The following TANC2 variants were observed in gnomAD, a reference collection of about 807,000 sequenced individuals.
TANC2 encodes tetratricopeptide repeat, ankyrin repeat and coiled-coil containing 2, also known as protein TANC2.
In TANC2, 26 loss-of-function variants were observed where a neutral mutation model predicts 210.5. The ratio of observed to expected loss-of-function variants is 0.12; its 90% CI spans 0.09 to 0.17. TANC2 has a LOEUF of 0.17. TANC2 is among the 10% of genes least tolerant of loss of function. TANC2 has a pLI of 1.00. For missense variants in TANC2, 2,129 were observed against 2,608.9 expected (o/e 0.82, Z 4.01); for synonymous variants, 931 against 967.1 (o/e 0.96, Z 0.69).
At chr17:63,349,411 C>T (rs753904793) in intron 12 of TANC2, among the ~76,000 whole-genome samples, 1 of 152,066 alleles carries the variant, frequency 6.6e-6, no homozygotes, top group Non-Finnish European at 1.5e-5. Flanking sequence ...GCTGTTTTGT[C>T]TACTGGAAAA....
intron 5 of TANC2, among the ~76,000 whole-genome samples, chr17:63,172,213 T>TG (rs2040428200): frequency 6.7e-6 from 1 of 150,204 alleles, no homozygotes; most frequent in South Asian, 2.1e-4. Flanking sequence ...TTTTTTTAGA[T>TG]GGAGTTTCAC....
intron 2 of TANC2, among the ~76,000 whole-genome samples, chr17:63,059,879 T>G (rs2035934046): frequency 6.6e-6 from 1 of 152,174 alleles, no homozygotes; most frequent in Admixed American, 6.5e-5. Context: ...AAGTCCGGGT[T>G]TCTTTTAATG....
At chr17:63,095,573 G>T (rs2037356663) in intron 3 of TANC2, among the ~76,000 whole-genome samples, 3 of 152,038 alleles carry the variant, frequency 2.0e-5, no homozygotes, top group Admixed American at 1.3e-4. Context: ...TGCCTTCAGT[G>T]ACTGGGCCCA....
chr17:63,194,091 A>G (rs762267645), exon 6 of TANC2: 4 of 1,613,406 alleles, frequency 2.5e-6, no homozygotes, highest in Non-Finnish European at 3.4e-6. Flanking sequence ...AAGTCACAGA[A>G]GTTCAGCCAG....
At chr17:63,123,000 TGGGACCAA>T (rs2038545077) in intron 4 of TANC2, among the ~76,000 whole-genome samples, 1 of 152,168 alleles carries the variant, frequency 6.6e-6, no homozygotes, top group Non-Finnish European at 1.5e-5. Context: ...AAGAGACAAC[TGGGACCAA>T]AATGACGAAG....
intron 8 of TANC2, among the ~76,000 whole-genome samples, chr17:63,253,990 A>C (rs751476919): frequency 1.3e-5 from 2 of 152,080 alleles, no homozygotes; most frequent in African/African-American, 4.8e-5. Flanking sequence ...GTGGTTTCAT[A>C]TAAATTTTAG....
intron 7 of TANC2, among the ~76,000 whole-genome samples, chr17:63,214,220 A>AG (rs2041965378): frequency 6.6e-6 from 1 of 152,224 alleles, no homozygotes; most frequent in Admixed American, 6.5e-5. Flanking sequence ...AGAGAAGTCC[A>AG]GGGACAGAGG....
chr17:63,056,959 C>T (rs76857913), intron 2 of TANC2, among the ~76,000 whole-genome samples: 9,791 of 151,610 alleles, frequency 0.065, 391 homozygotes, highest in African/African-American at 0.12. Context: ...GATGTTACTT[C>T]TGACATAATT....
intron 7 of TANC2, among the ~76,000 whole-genome samples, chr17:63,214,230 G>A (rs1265001264): frequency 6.6e-6 from 1 of 152,204 alleles, no homozygotes; most frequent in East Asian, 1.9e-4. Context: ...AGGGACAGAG[G>A]AGACAGACTG....
intron 4 of TANC2, among the ~76,000 whole-genome samples, chr17:63,126,884 T>G (rs1476109407): frequency 6.6e-6 from 1 of 152,302 alleles, no homozygotes; most frequent in Non-Finnish European, 1.5e-5. Context: ...AACAGTATTA[T>G]AGTGCCTAGA....
intron 4 of TANC2, among the ~76,000 whole-genome samples, chr17:63,132,357 CT>C (rs774983636): frequency 1.3e-5 from 2 of 152,104 alleles, no homozygotes; most frequent in Non-Finnish European, 2.9e-5. Context: ...AGAAAGACCT[CT>C]GAGCCAAATC....
At chr17:62,990,563 T>A (rs1447545156) in intron 1 of TANC2, among the ~76,000 whole-genome samples, 1 of 152,084 alleles carries the variant, frequency 6.6e-6, no homozygotes, top group Non-Finnish European at 1.5e-5. Flanking sequence ...GAATTACAGG[T>A]GTGAGTCACT....
At chr17:63,284,865 C>A (rs1294620299) in intron 9 of TANC2, among the ~76,000 whole-genome samples, 1 of 151,830 alleles carries the variant, frequency 6.6e-6, no homozygotes, top group Non-Finnish European at 1.5e-5. Context: ...TTGTGGATTT[C>A]TGTATTATTC....
At chr17:63,079,354 C>T (rs1214701365) in intron 3 of TANC2, among the ~76,000 whole-genome samples, 2 of 152,126 alleles carry the variant, frequency 1.3e-5, no homozygotes, top group African/African-American at 2.4e-5. Context: ...CATTGCTGAA[C>T]TGGTTGTACT....
intron 2 of TANC2, among the ~76,000 whole-genome samples, chr17:63,019,460 G>A (rs1195716065): frequency 1.3e-5 from 2 of 152,042 alleles, no homozygotes; most frequent in African/African-American, 2.4e-5. Context: ...TCAAGTGATC[G>A]GCCCTCTTTG....
intron 1 of TANC2, among the ~76,000 whole-genome samples, chr17:62,992,141 A>G (rs543103633): frequency 6.6e-6 from 1 of 152,302 alleles, no homozygotes; most frequent in South Asian, 2.1e-4. Flanking sequence ...CATTTTACGT[A>G]ATAGACTTAA....
rs532411060 is a variant in TANC2, at chr17:63,406,302, G to C, written c.3589+25G>C. On this transcript the variant is annotated intron_variant, in intron 21 of 27. Coordinates refer to ENST00000689528, the Ensembl canonical transcript of TANC2. Reference sequence around the variant, plus strand: ...GGTTAGTCTTGGAATGCTAGAGCTGGCTGGCCAGTTTCCATAATTACCTGG... The same window carrying C: ...GGTTAGTCTTGGAATGCTAGAGCTGCCTGGCCAGTTTCCATAATTACCTGG... 19 of 1,609,010 alleles carry C rather than the reference G, an allele frequency of 1.2e-5. No individual in the cohort carries two copies. In the African/African-American group the frequency reaches 2.5e-4, roughly 21 times the overall value.
chr17:63,092,456 G>A (rs2037234635), intron 3 of TANC2, among the ~76,000 whole-genome samples: 1 of 151,808 alleles, frequency 6.6e-6, no homozygotes, highest in Non-Finnish European at 1.5e-5. Context: ...AATGATTAAT[G>A]ATGTTGAGCA....
intron 1 of TANC2, among the ~76,000 whole-genome samples, chr17:62,988,761 G>T (rs2032705363): frequency 6.6e-6 from 1 of 152,152 alleles, no homozygotes; most frequent in Non-Finnish European, 1.5e-5. Context: ...TATGATTTTA[G>T]ATGCCCCAGA....
Sources: gnomAD v4.1 joint callset for allele counts (sites outside exome capture counted in the v4.1 genomes callset) on GRCh38, gnomAD v4.1.1 for gene constraint, MANE v1.5 for transcripts, NCBI Gene and HGNC (gene_info 2026-07-23, HGNC 2026-07-21) for gene names.